Variants in HAS2 observed in about 807,000 individuals in gnomAD.
The protein encoded by HAS2 is HA synthase 2.
Under a neutral mutation model 51.6 loss-of-function variants are expected in HAS2, and 16 were observed. The observed-to-expected ratio is 0.31, with a 90% CI of 0.21 to 0.47. HAS2 has a LOEUF of 0.47. Ranked by LOEUF, HAS2 falls within the 20% of genes least tolerant of loss-of-function variation. HAS2 has a pLI of 1.00. For synonymous variants in HAS2, 228 were observed against 235.5 expected (o/e 0.97, Z 0.29); for missense variants, 361 against 662.6 (o/e 0.54, Z 5.00).
chr8:121,632,078 A>C (rs1812937702), intron 1 of HAS2, among the ~76,000 whole-genome samples: 1 of 152,254 alleles, frequency 6.6e-6, no homozygotes, highest in Non-Finnish European at 1.5e-5. Flanking sequence ...ATACCACAGC[A>C]ACGTGGCTAG....
chr8:121,632,102 T>C lies in HAS2; in HGVS notation c.1-2762A>G, dbSNP rs190207395. ...CAACGTGGCTAGAAGTGAACCTTTA[T>C]ATTTCTGCAAGATATCTCAGTGTTG... On this transcript the variant is annotated intron_variant, in intron 1 of 3. Coordinates refer to ENST00000303924, the MANE Select transcript of HAS2 (RefSeq NM_005328.3). Among the ~76,000 whole-genome samples the C allele has an allele frequency of 4.7e-4, 71 of 152,322 alleles. 1 individual carries two copies. The highest frequency in any genetic ancestry group is 3.4e-3 in the Middle Eastern group (1 of 294).
intron 2 of HAS2, among the ~76,000 whole-genome samples, chr8:121,622,442 G>A (rs1322105887): frequency 1.3e-5 from 2 of 152,002 alleles, no homozygotes; most frequent in African/African-American, 4.8e-5. Flanking sequence ...CATTCTGTAG[G>A]TGAAAAATAT....
At chr8:121,623,422 AAAG>A (rs1812800708) in intron 2 of HAS2, among the ~76,000 whole-genome samples, 1 of 152,146 alleles carries the variant, frequency 6.6e-6, no homozygotes, top group Non-Finnish European at 1.5e-5. Context: ...TTCTCATTCT[AAAG>A]AAGGGAATCA....
intron 1 of HAS2, among the ~76,000 whole-genome samples, chr8:121,631,920 TCA>T (rs1395012463): frequency 6.6e-6 from 1 of 152,242 alleles, no homozygotes; most frequent in Non-Finnish European, 1.5e-5. Context: ...TTTCCATTAT[TCA>T]CATTTTCCTT....
intron 2 of HAS2, among the ~76,000 whole-genome samples, chr8:121,626,405 A>T (rs1812853779): frequency 6.6e-6 from 1 of 152,070 alleles, no homozygotes; most frequent in Non-Finnish European, 1.5e-5. Flanking sequence ...GCAACTGGAA[A>T]CCAATCCTTT....
chr8:121,628,638 T>C, intron 2 of HAS2, 76 bp downstream of exon 2: 1 of 1,314,516 alleles, frequency 7.6e-7, no homozygotes, highest in Non-Finnish European at 1.1e-6. Flanking sequence ...GGATGGGCTA[T>C]AGCATATGAC....
chr8:121,622,168 C>T lies in HAS2; in HGVS notation c.628-4962G>A, dbSNP rs997530976. On this transcript the variant is annotated intron_variant, in intron 2 of 3. Transcript: ENST00000303924. The stretch of plus-strand genomic sequence containing the variant: ...TAAATAGAAATTCTGCATCACCCCC[C>T]CATCCCAATTTCTCTAGTAAAAAGG... Among the ~76,000 whole-genome samples the T allele has an allele frequency of 2.0e-5, 3 of 152,076 alleles. No individual in the cohort carries two copies. The South Asian group carries it at 6.2e-4, about 32-fold the overall frequency.
chr8:121,631,576 A>C (rs1586508741), intron 1 of HAS2, among the ~76,000 whole-genome samples: 1 of 152,240 alleles, frequency 6.6e-6, no homozygotes, highest in African/African-American at 2.4e-5. Flanking sequence ...GTAATGCAGG[A>C]GTCTGATAAA....
intron 1 of HAS2, among the ~76,000 whole-genome samples, chr8:121,633,910 GGGTTTTT>G (rs1343781071): frequency 0.037 from 5,139 of 137,606 alleles, 331 homozygotes; most frequent in African/African-American, 0.13. Flanking sequence ...TTGTTTTTTT[GGGTTTTT>G]TTTTTTTTTT....
At chr8:121,632,714 G>C (rs961696317) in intron 1 of HAS2, among the ~76,000 whole-genome samples, 1 of 151,960 alleles carries the variant, frequency 6.6e-6, no homozygotes, top group Non-Finnish European at 1.5e-5. Flanking sequence ...AATATCTGTT[G>C]AATGCATGAG....
intron 1 of HAS2, among the ~76,000 whole-genome samples, chr8:121,636,748 C>T (rs1206237917): frequency 6.6e-6 from 1 of 152,072 alleles, no homozygotes; most frequent in Admixed American, 6.5e-5. Flanking sequence ...TACATTGGCT[C>T]CTGGGAATTA....
At chr8:121,620,224 GCATGTGTATT>G (rs1812755801) in intron 2 of HAS2, among the ~76,000 whole-genome samples, 1 of 152,196 alleles carries the variant, frequency 6.6e-6, no homozygotes, top group African/African-American at 2.4e-5. Flanking sequence ...GTTTGTGAAA[GCATGTGTATT>G]CATGGACACA....
chr8:121,640,010 TG>T (rs1439642209), intron 1 of HAS2: 11 of 152,190 alleles, frequency 7.2e-5, no homozygotes, highest in African/African-American at 2.7e-4. Context: ...GAATTGGCTC[TG>T]GGGACGCCGC....
chr8:121,633,766 C>T (rs1300057056), intron 1 of HAS2, among the ~76,000 whole-genome samples: 2 of 152,178 alleles, frequency 1.3e-5, no homozygotes, highest in South Asian at 2.1e-4. Context: ...CACTGGACCT[C>T]GAAGCCATTT....
intron 2 of HAS2, among the ~76,000 whole-genome samples, chr8:121,622,206 A>C (rs1394441424): frequency 6.6e-6 from 1 of 152,116 alleles, no homozygotes; most frequent in Non-Finnish European, 1.5e-5. Context: ...TAATGGCAGG[A>C]ACAAAAAATT....
intron 1 of HAS2, chr8:121,639,667 C>A (rs1050269934): frequency 1.3e-5 from 2 of 152,568 alleles, no homozygotes; most frequent in Non-Finnish European, 2.9e-5. Flanking sequence ...CCCGCGGCTG[C>A]GTTTCCGTGG....
intron 3 of HAS2, among the ~76,000 whole-genome samples, chr8:121,615,292 T>C (rs559970761): frequency 3.9e-5 from 6 of 152,288 alleles, no homozygotes; most frequent in Admixed American, 3.9e-4. Context: ...CTACCCTCTT[T>C]CTGCTATTCT....
chr8:121,616,295 C>T (rs16895781), intron 3 of HAS2, among the ~76,000 whole-genome samples: 16,805 of 151,934 alleles, frequency 0.11, 1,394 homozygotes, highest in African/African-American at 0.23. Context: ...CTAGTATAAA[C>T]TTGAGTCTCT....
intron 2 of HAS2, among the ~76,000 whole-genome samples, chr8:121,622,835 A>G (rs1812791108): frequency 6.6e-6 from 1 of 152,150 alleles, no homozygotes; most frequent in Non-Finnish European, 1.5e-5. Flanking sequence ...GAATTTACAT[A>G]TAAACATATA....
Sources: allele counts gnomAD v4.1 joint callset (sites outside exome capture counted in the v4.1 genomes callset), GRCh38; gene constraint gnomAD v4.1.1; transcripts MANE v1.5; gene names NCBI Gene and HGNC (gene_info 2026-07-23, HGNC 2026-07-21).